FDFT1: variants seen among roughly 807,000 people sequenced by gnomAD.
FDFT1 encodes farnesyl-diphosphate farnesyltransferase 1, also known as squalene synthase.
A neutral mutation model predicts 46.8 loss-of-function variants in FDFT1; 68 were observed. That is an observed-to-expected ratio of 1.45 (90% CI 1.19 to 1.78). FDFT1 has a LOEUF of 1.78. Ranked by LOEUF, FDFT1 falls within the 40% of genes most tolerant of loss-of-function variation. The pLI, the probability that FDFT1 is intolerant of heterozygous loss-of-function variation, is 0.00. For missense variants in FDFT1, 928 were observed against 524.4 expected (o/e 1.77, Z -7.52); for synonymous variants, 351 against 185.1 (o/e 1.90, Z -7.28).
chr8:11,830,210 G>C (rs200193052), intron 5 of FDFT1, 34 bp from the exon 6 acceptor site: 3 of 1,549,108 alleles, frequency 1.9e-6, no homozygotes, highest in Non-Finnish European at 2.7e-6. Context: ...CTATGCACAC[G>C]CTGACCTGTT....
intron 3 of FDFT1, 42 bp from the exon 4 acceptor site, chr8:11,821,708 A>G (rs1809270947): frequency 6.2e-7 from 1 of 1,606,940 alleles, no homozygotes; most frequent in Admixed American, 1.7e-5. Flanking sequence ...CCATGTCTGT[A>G]CATATTTCAT....
chr8:11,811,576 G>T (rs150227729), intron 3 of FDFT1, among the ~76,000 whole-genome samples: 1 of 152,238 alleles, frequency 6.6e-6, no homozygotes, highest in Non-Finnish European at 1.5e-5. Flanking sequence ...TGAAACTTCA[G>T]TGTCTTCCTG....
intron 3 of FDFT1, among the ~76,000 whole-genome samples, chr8:11,814,109 G>C (rs770721632): frequency 4.1e-4 from 63 of 152,184 alleles, no homozygotes; most frequent in Non-Finnish European, 7.2e-4. Flanking sequence ...CTAATAAATA[G>C]AACTGGTCTA....
At chr8:11,814,150 A>G (rs73547720) in intron 3 of FDFT1, among the ~76,000 whole-genome samples, 24,266 of 152,170 alleles carry the variant, frequency 0.16, 2,219 homozygotes, top group African/African-American at 0.24. Context: ...GCAGAGTCCA[A>G]CGGAGATTCA....
intron 7 of FDFT1, among the ~76,000 whole-genome samples, chr8:11,834,213 G>T (rs868548430): frequency 5.3e-5 from 8 of 152,228 alleles, no homozygotes; most frequent in South Asian, 2.1e-4. Context: ...AGTGCTTAGT[G>T]GGGGCTTGGA....
intron 3 of FDFT1, among the ~76,000 whole-genome samples, chr8:11,810,129 G>T (rs1181635137): frequency 6.6e-6 from 1 of 152,102 alleles, no homozygotes; most frequent in African/African-American, 2.4e-5. Context: ...CCTACCTCAT[G>T]GTATTCTGAG....
chr8:11,812,492 A>G (rs962038095), intron 3 of FDFT1, among the ~76,000 whole-genome samples: 3 of 152,172 alleles, frequency 2.0e-5, no homozygotes, highest in African/African-American at 7.2e-5. Flanking sequence ...AGAGCCTGGG[A>G]TATGGGGATC....
At position 11,808,844 on chromosome 8, in the gene FDFT1, C is replaced by T. The variant is rs190473908; in HGVS notation, c.150C>T (p.Thr50=). Residue 50 remains threonine, a synonymous_variant, in exon 2 of 8, where the codon ACC becomes ACT. Transcript: ENST00000220584. ...LKTCYKYLNQ[T]SRSFAAVIQA... ...CTTGCTACAAGTATCTCAATCAGAC[C>T]AGTCGCAGTTTCGCAGCTGTTATCC... 66 of 1,614,134 alleles carry T rather than the reference C, an allele frequency of 4.1e-5. No individual in the cohort carries two copies. The East Asian group carries it at 1.2e-3, about 31-fold the overall frequency.
intron 2 of FDFT1, chr8:11,809,139 T>C: frequency 7.6e-7 from 1 of 1,317,924 alleles, no homozygotes; most frequent in Non-Finnish European, 9.7e-7. Flanking sequence ...TTAACTTTTT[T>C]TAGTCTTGGC....
At chr8:11,816,672 C>G (rs965884965) in intron 3 of FDFT1, among the ~76,000 whole-genome samples, 5 of 152,058 alleles carry the variant, frequency 3.3e-5, no homozygotes, top group Admixed American at 6.5e-5. Context: ...CCTTGTTTGT[C>G]TGTTATTGGT....
At chr8:11,815,045 T>C (rs1398064777) in intron 3 of FDFT1, among the ~76,000 whole-genome samples, 2 of 150,904 alleles carry the variant, frequency 1.3e-5, no homozygotes, top group African/African-American at 4.9e-5. Flanking sequence ...CAGGCCCCGG[T>C]ATGTGATGTT....
intron 5 of FDFT1, among the ~76,000 whole-genome samples, chr8:11,829,568 A>G (rs754113400): frequency 6.6e-6 from 1 of 152,222 alleles, no homozygotes; most frequent in Non-Finnish European, 1.5e-5. Context: ...CTGCAGTACA[A>G]TTATAACTGT....
chr8:11,838,624 A>G lies in FDFT1; in HGVS notation c.*15A>G, dbSNP rs780260882. The G allele has an allele frequency of 1.1e-5, 18 of 1,576,766 alleles. No homozygotes were observed. The highest frequency in any genetic ancestry group is 5.0e-5 in the Admixed American group (3 of 59,968). On this transcript the variant is annotated 3_prime_UTR_variant, in exon 8 of 8. Coordinates refer to ENST00000220584, the MANE Select transcript of FDFT1 (RefSeq NM_004462.5). ...GAGAACACTGATCCCAAATTTGTCC[A>G]TAGCTGAAGTCCACCATAAAGTGGA...
At position 11,838,720 on chromosome 8, in the gene FDFT1, G is replaced by A; in HGVS notation, c.*111G>A. On this transcript the variant is annotated 3_prime_UTR_variant, in exon 8 of 8. Coordinates refer to ENST00000220584, the MANE Select transcript of FDFT1 (RefSeq NM_004462.5). ...TTTCCTACTACTTTAATCCCTAAAA[G>A]AACGCTGTGTGGCTGGGACCTTTAG... 1.2e-6 allele frequency: 1 copy of A among 865,800 alleles called. No individual in the cohort carries two copies. The highest frequency in any genetic ancestry group is 2.6e-5 in the East Asian group (1 of 38,374). 53.6% of individuals were successfully genotyped at this position (865,800 alleles called of 1,614,324 possible). A position where few individuals can be genotyped will look rare whatever the true frequency, so the allele number is the denominator to read the frequency against.
rs780917785 is a variant in FDFT1, at chr8:11,830,454, GC to G, written c.879+35del. ...GGGGGCTCCTCTGGGTGGATACGGG[GC>G]TAAAGGGAGTGGGGTAGGAGTAAGG... On this transcript the variant is annotated intron_variant, in intron 6 of 7. Transcript: ENST00000220584. 15 of 1,488,266 alleles carry G rather than the reference GC, an allele frequency of 1.0e-5. No homozygotes were observed. In the South Asian group the frequency reaches 1.5e-4, roughly 15 times the overall value. The allele number at this position is 1,488,266 out of a possible 1,614,324, so 92.2% of individuals were successfully genotyped here.
intron 3 of FDFT1, 75 bp from the exon 4 acceptor site, chr8:11,821,675 T>G (rs1809266760): frequency 2.0e-6 from 3 of 1,524,828 alleles, no homozygotes; most frequent in African/African-American, 2.7e-5. Context: ...ATTCCGCCAT[T>G]GTTTGCCTTG....
rs781132495 is a variant in FDFT1 at position 11,826,174 on chromosome 8, C to T, written c.661C>T (p.Leu221=). The change falls in exon 5 of 8, where the codon CTG becomes TTG. Residue 221 remains leucine, a synonymous_variant. Coordinates refer to ENST00000220584, the MANE Select transcript of FDFT1 (RefSeq NM_004462.5). ...GAAAACAAACATCATCCGTGACTAT[C>T]TGGAAGACCAGCAAGGAGGAAGAGA... is the stretch of plus-strand genomic sequence containing the variant. ...LQKTNIIRDY[L]EDQQGGREFW... 25 of 1,589,796 alleles carry T rather than the reference C, an allele frequency of 1.6e-5. No homozygotes were observed. In the African/African-American group the frequency reaches 2.8e-4, roughly 18 times the overall value.
chr8:11,803,263 G>T (rs1806374052), intron 1 of FDFT1: 1 of 1,347,564 alleles, frequency 7.4e-7, no homozygotes, highest in East Asian at 4.4e-5. Context: ...GAGGCAATGT[G>T]GGTGGGTTAC....
chr8:11,833,253 G>C (rs975338101), intron 7 of FDFT1, among the ~76,000 whole-genome samples: 1 of 152,180 alleles, frequency 6.6e-6, no homozygotes, highest in Non-Finnish European at 1.5e-5. Flanking sequence ...GACCAAGTAG[G>C]TGGGTAGGAG....
Sources: allele counts gnomAD v4.1 joint callset (sites outside exome capture counted in the v4.1 genomes callset), GRCh38; gene constraint gnomAD v4.1.1; transcripts MANE v1.5; gene names NCBI Gene and HGNC (gene_info 2026-07-23, HGNC 2026-07-21).